The following CYYR1 variants were observed in gnomAD, a reference collection of about 807,000 sequenced individuals.
CYYR1 encodes cysteine and tyrosine-rich protein 1.
A neutral mutation model predicts 15.2 loss-of-function variants in CYYR1; 14 were observed. That is an observed-to-expected ratio of 0.92 (90% CI 0.61 to 1.44). CYYR1 has a LOEUF of 1.44. Among genes scored for constraint, CYYR1 ranks in the 40% most tolerant of loss-of-function variants. The pLI, the probability that CYYR1 is intolerant of heterozygous loss-of-function variation, is 0.00. For missense variants in CYYR1, 228 were observed against 209.5 expected, an observed-to-expected ratio of 1.09 and a Z score of -0.54; for synonymous variants, 80 against 77.4, an observed-to-expected ratio of 1.03 and a Z score of -0.18.
At position 26,521,129 on chromosome 21, in the gene CYYR1, G is replaced by T. The variant is rs561908090; in HGVS notation, c.177-40700C>A. On this transcript the variant is annotated intron_variant, in intron 2 of 3. Coordinates refer to ENST00000652641, the MANE Select transcript of CYYR1 (RefSeq NM_001320768.2). Reference sequence around the variant, plus strand: ...TTGATAGGTTCAGCAAACCACCATGGTACATGTTTACCTGTTTATCTATGT... The same window carrying T: ...TTGATAGGTTCAGCAAACCACCATGTTACATGTTTACCTGTTTATCTATGT... Among the ~76,000 whole-genome samples, 10 of 152,220 alleles carry T rather than the reference G, an allele frequency of 6.6e-5. No individual in the cohort carries two copies. In the South Asian group the frequency reaches 2.1e-3, roughly 32 times the overall value.
chr21:26,468,862 T>C (rs533383281), intron 3 of CYYR1, among the ~76,000 whole-genome samples: 1 of 152,116 alleles, frequency 6.6e-6, no homozygotes, highest in Admixed American at 6.5e-5. Flanking sequence ...TTCTTGAAAA[T>C]ATGATGCTGA....
intron 2 of CYYR1, among the ~76,000 whole-genome samples, chr21:26,497,747 CTAA>C (rs1167450965): frequency 1.3e-5 from 2 of 152,136 alleles, no homozygotes; most frequent in African/African-American, 2.4e-5. Flanking sequence ...TAATGTAAAA[CTAA>C]TAATTAATTT....
chr21:26,469,832 G>T (rs1466638502), intron 3 of CYYR1, among the ~76,000 whole-genome samples: 2 of 151,942 alleles, frequency 1.3e-5, no homozygotes, highest in African/African-American at 4.8e-5. Flanking sequence ...TATACTTTAT[G>T]ATGACTATAC....
chr21:26,492,486 TTGTA>T (rs2065341904), intron 2 of CYYR1, among the ~76,000 whole-genome samples: 1 of 152,092 alleles, frequency 6.6e-6, no homozygotes, highest in Non-Finnish European at 1.5e-5. Context: ...CACTGCAACT[TTGTA>T]TGGTTGGCAT....
chr21:26,478,191 G>A (rs2065127727), intron 3 of CYYR1: 35 of 1,541,056 alleles, frequency 2.3e-5, no homozygotes, highest in Non-Finnish European at 2.9e-5. Context: ...TAAACTATAC[G>A]ATATCTTGGA....
At chr21:26,539,914 C>T (rs115204528) in intron 2 of CYYR1, among the ~76,000 whole-genome samples, 151 of 152,260 alleles carry the variant, frequency 9.9e-4, no homozygotes, top group African/African-American at 3.5e-3. Context: ...TTTGGGTTCG[C>T]ATCTTTTTCC....
chr21:26,471,434 A>C (rs2065031749), intron 3 of CYYR1: 1 of 152,246 alleles, frequency 6.6e-6, no homozygotes, highest in African/African-American at 2.4e-5. Flanking sequence ...ACATTTCAGC[A>C]AGAATCCCTA....
chr21:26,537,896 T>C (rs1414650113), intron 2 of CYYR1, among the ~76,000 whole-genome samples: 1 of 152,140 alleles, frequency 6.6e-6, no homozygotes, highest in East Asian at 1.9e-4. Context: ...ACACCATCTA[T>C]AAGAAAAAGG....
chr21:26,530,852 C>T (rs528754888), intron 2 of CYYR1, among the ~76,000 whole-genome samples: 37 of 152,234 alleles, frequency 2.4e-4, no homozygotes, highest in Admixed American at 2.2e-3. Context: ...TTTCTTTATC[C>T]AGTCTATCAG....
intron 2 of CYYR1, among the ~76,000 whole-genome samples, chr21:26,495,652 C>T (rs757275303): frequency 3.9e-5 from 6 of 152,108 alleles, no homozygotes; most frequent in Non-Finnish European, 4.4e-5. Context: ...TGGAAGGAGG[C>T]GGAGTCACAC....
rs544198884 is a variant in CYYR1, at chr21:26,474,510, G to T, written c.334+5762C>A. Reference sequence around the variant, plus strand: ...TGCCTTAGCCTCAGTAGTAGCTGGGGTGATCTTATACTACTTTCTACTCCT... The same window carrying T: ...TGCCTTAGCCTCAGTAGTAGCTGGGTTGATCTTATACTACTTTCTACTCCT... On this transcript the variant is annotated intron_variant, in intron 3 of 3. Coordinates refer to ENST00000652641, the MANE Select transcript of CYYR1 (RefSeq NM_001320768.2). 7.9e-5 allele frequency among the ~76,000 whole-genome samples: 12 copies of T among 151,294 alleles called. No individual in the cohort carries two copies. In the South Asian group the frequency reaches 1.9e-3, roughly 24 times the overall value.
chr21:26,544,768 T>G (rs954988152), intron 2 of CYYR1, among the ~76,000 whole-genome samples: 1 of 152,080 alleles, frequency 6.6e-6, no homozygotes, highest in African/African-American at 2.4e-5. Flanking sequence ...TTTTGAATTG[T>G]GAATATATGG....
chr21:26,568,900 CAG>C (rs938740655), intron 1 of CYYR1: 1 of 152,012 alleles, frequency 6.6e-6, no homozygotes, highest in African/African-American at 2.4e-5. Context: ...CAAATCAAAA[CAG>C]AGGGCTATTA....
chr21:26,471,168 A>G (rs189779116), intron 3 of CYYR1: 16 of 152,320 alleles, frequency 1.1e-4, no homozygotes, highest in Admixed American at 6.5e-5. Context: ...GAGATTTATA[A>G]CAAACTTCAT....
rs773314119 is a variant in CYYR1, at chr21:26,572,955, T to C, written c.-15A>G. On this transcript the variant is annotated 5_prime_UTR_variant, in exon 1 of 4. Transcript: ENST00000652641. ...GGAGCGTCCATCCAAGCCGGTGGCCTGAGGCTTGGAGCGAAGGGAGAGCCC... is the reference window on the plus strand; with the variant it reads ...GGAGCGTCCATCCAAGCCGGTGGCCCGAGGCTTGGAGCGAAGGGAGAGCCC... 1 of 1,613,542 alleles carries C rather than the reference T, an allele frequency of 6.2e-7. No individual in the cohort carries two copies. Among genetic ancestry groups the C allele is most frequent in the Non-Finnish European group, 8.5e-7 (1 of 1,179,874 alleles).
intron 2 of CYYR1, among the ~76,000 whole-genome samples, chr21:26,513,201 T>C (rs2065674406): frequency 6.6e-6 from 1 of 152,232 alleles, no homozygotes; most frequent in African/African-American, 2.4e-5. Flanking sequence ...GGGTGCTTTG[T>C]ACTTCCCTAA....
intron 3 of CYYR1, among the ~76,000 whole-genome samples, chr21:26,472,917 C>T (rs921012460): frequency 1.4e-4 from 22 of 151,996 alleles, no homozygotes; most frequent in African/African-American, 2.2e-4. Context: ...TTTAATGCTT[C>T]GCTACATGTG....
At chr21:26,537,801 T>TG (rs947869448) in intron 2 of CYYR1, among the ~76,000 whole-genome samples, 5 of 151,842 alleles carry the variant, frequency 3.3e-5, no homozygotes, top group African/African-American at 1.2e-4. Context: ...TATCAGGAGG[T>TG]GGGGTCTGTT....
chr21:26,542,181 G>A (rs1978593318), intron 2 of CYYR1, among the ~76,000 whole-genome samples: 2 of 145,996 alleles, frequency 1.4e-5, no homozygotes, highest in Admixed American at 1.4e-4. Context: ...TCCCTTAAGG[G>A]CTGGGAAGAT....
Sources: allele counts gnomAD v4.1 joint callset (sites outside exome capture counted in the v4.1 genomes callset), GRCh38; gene constraint gnomAD v4.1.1; transcripts MANE v1.5; gene names NCBI Gene and HGNC (gene_info 2026-07-23, HGNC 2026-07-21).